PLXDC1: variants seen among roughly 807,000 people sequenced by gnomAD.
The protein encoded by PLXDC1 is plexin domain containing 1.
A neutral mutation model predicts 61.3 loss-of-function variants in PLXDC1; 39 were observed. That is an observed-to-expected ratio of 0.64 (90% CI 0.49 to 0.83). PLXDC1 has a LOEUF of 0.83. Among genes scored for constraint, PLXDC1 ranks in the 40% least tolerant of loss-of-function variants. PLXDC1 has a pLI of 0.00. For missense variants in PLXDC1, 596 were observed against 666.5 expected, an observed-to-expected ratio of 0.89 and a Z score of 1.17; for synonymous variants, 212 against 254.5, an observed-to-expected ratio of 0.83 and a Z score of 1.59.
intron 6 of PLXDC1, 130 bp from the exon 7 acceptor site, chr17:39,106,083 C>G (rs1910582598): frequency 1.7e-6 from 1 of 581,034 alleles, no homozygotes; most frequent in African/African-American, 1.9e-5. Flanking sequence ...CATTGGAAGC[C>G]CAGTGGGACC....
At chr17:39,091,997 C>G in intron 7 of PLXDC1, among the ~76,000 whole-genome samples, 1 of 149,878 alleles carries the variant, frequency 6.7e-6, no homozygotes, top group Non-Finnish European at 1.5e-5. Flanking sequence ...GTTGTCTTGC[C>G]ATTCATTCAT....
intron 2 of PLXDC1, among the ~76,000 whole-genome samples, chr17:39,134,756 G>A (rs568357321): frequency 1.4e-3 from 210 of 152,232 alleles, no homozygotes; most frequent in African/African-American, 4.7e-3. Context: ...GGACAAGAGT[G>A]CAAGCCTCTT....
intron 11 of PLXDC1, among the ~76,000 whole-genome samples, chr17:39,077,240 A>C (rs1012225961): frequency 4.0e-4 from 61 of 152,152 alleles, no homozygotes; most frequent in African/African-American, 1.4e-3. Flanking sequence ...TGGAGGGGGC[A>C]TGGGAGAAAG....
Position 39,141,910 on chromosome 17 carries a change from T to G in PLXDC1, c.77-2078A>C, listed in dbSNP as rs975037863. On this transcript the variant is annotated intron_variant, in intron 1 of 13. Transcript: ENST00000315392. ...AAATTGGCATTTCCCTGATGATTAG[T>G]GATGCCGAACATCTTTTCATATGCT... Among the ~76,000 whole-genome samples, 8 of 152,350 alleles carry G rather than the reference T, an allele frequency of 5.3e-5. No individual in the cohort carries two copies. The South Asian group carries it at 1.7e-3, about 32-fold the overall frequency.
intron 2 of PLXDC1, among the ~76,000 whole-genome samples, chr17:39,115,001 G>A (rs1347070633): frequency 6.6e-6 from 1 of 152,234 alleles, no homozygotes; most frequent in Admixed American, 6.5e-5. Context: ...AGACTGCAAA[G>A]CGTGAGCTTC....
At chr17:39,098,722 G>C (rs989014490) in intron 7 of PLXDC1, among the ~76,000 whole-genome samples, 3 of 152,176 alleles carry the variant, frequency 2.0e-5, no homozygotes, top group Non-Finnish European at 4.4e-5. Flanking sequence ...GACCTGGGCC[G>C]CTGGAGAGGG....
Position 39,139,682 on chromosome 17 carries a change from G to A in PLXDC1, c.227C>T (p.Thr76Met), listed in dbSNP as rs114494148. The change falls in exon 2 of 14, where the codon ACG (threonine) becomes ATG (methionine). Residue 76 changes from threonine to methionine, a missense_variant. Physicochemically the swap from Thr to Met is moderately conservative, Grantham distance 81. Transcript: ENST00000315392. ...DLGGGTLAMD[T>M]LPDNRTRVVE... ...CACCCTGGTCCTGTTATCTGGCAGC[G>A]TGTCCATGGCCAGGGTGCCCCCACC... is the stretch of plus-strand genomic sequence containing the variant. 13 of 1,613,234 alleles carry A rather than the reference G, an allele frequency of 8.1e-6. No homozygotes were observed. Among genetic ancestry groups the A allele is most frequent in the African/African-American group, 8.0e-5 (6 of 74,782 alleles).
intron 8 of PLXDC1, among the ~76,000 whole-genome samples, chr17:39,085,540 A>C (rs1475747528): frequency 6.6e-6 from 1 of 152,122 alleles, no homozygotes; most frequent in Non-Finnish European, 1.5e-5. Flanking sequence ...GTTTGAACCA[A>C]GGTCTGTTTG....
intron 12 of PLXDC1, among the ~76,000 whole-genome samples, chr17:39,071,221 ATT>A (rs990025968): frequency 6.6e-6 from 1 of 152,214 alleles, no homozygotes; most frequent in African/African-American, 2.4e-5. Context: ...AGACACACAA[ATT>A]CAGTGCCCAC....
intron 2 of PLXDC1, among the ~76,000 whole-genome samples, chr17:39,138,433 C>T (rs1360554875): frequency 1.3e-5 from 2 of 152,170 alleles, no homozygotes; most frequent in Non-Finnish European, 2.9e-5. Flanking sequence ...AATCCACAAC[C>T]GAGCACACGG....
chr17:39,116,377 T>C (rs986871653), intron 2 of PLXDC1, among the ~76,000 whole-genome samples: 5 of 152,168 alleles, frequency 3.3e-5, no homozygotes, highest in African/African-American at 1.2e-4. Flanking sequence ...GCACCTGGCA[T>C]CTGGTGGGTG....
chr17:39,073,463 A>G (rs1909204718), intron 11 of PLXDC1: 1 of 152,270 alleles, frequency 6.6e-6, no homozygotes, highest in Non-Finnish European at 1.5e-5. Context: ...ACTTGTTGCA[A>G]ATCTAGACCA....
chr17:39,128,349 C>A (rs113620855), intron 2 of PLXDC1, among the ~76,000 whole-genome samples: 10 of 151,324 alleles, frequency 6.6e-5, no homozygotes, highest in African/African-American at 2.4e-4. Flanking sequence ...TCCTGAGTAA[C>A]TAGGATTACA....
chr17:39,072,550 T>G (rs1700871413), intron 11 of PLXDC1, 65 bp from the exon 12 acceptor site: 1 of 1,029,618 alleles, frequency 9.7e-7, no homozygotes, highest in African/African-American at 1.6e-5. Context: ...TCACTCTGAG[T>G]CCAGATGGGA....
At chr17:39,129,041 G>A (rs1295139287) in intron 2 of PLXDC1, among the ~76,000 whole-genome samples, 1 of 152,044 alleles carries the variant, frequency 6.6e-6, no homozygotes, top group Non-Finnish European at 1.5e-5. Flanking sequence ...ACTCATGCCA[G>A]ATGCGGTGGT....
chr17:39,079,283 A>T, intron 9 of PLXDC1, 119 bp from the exon 10 acceptor site: 1 of 807,960 alleles, frequency 1.2e-6, no homozygotes, highest in Non-Finnish European at 2.1e-6. Context: ...CCCCAGGCTG[A>T]GGTAGTCAGG....
chr17:39,142,859 C>T (rs977710809), intron 1 of PLXDC1, among the ~76,000 whole-genome samples: 4 of 152,090 alleles, frequency 2.6e-5, no homozygotes, highest in Non-Finnish European at 4.4e-5. Flanking sequence ...AACAAAAGGC[C>T]GGGCGTGGTG....
chr17:39,149,950 A>T (rs571961453), intron 1 of PLXDC1, among the ~76,000 whole-genome samples: 1 of 152,300 alleles, frequency 6.6e-6, no homozygotes, highest in Admixed American at 6.5e-5. Flanking sequence ...TCAGTTACCC[A>T]TAAAGACCCT....
chr17:39,142,016 C>A (rs1459501978), intron 1 of PLXDC1, among the ~76,000 whole-genome samples: 1 of 152,044 alleles, frequency 6.6e-6, no homozygotes, highest in Non-Finnish European at 1.5e-5. Context: ...GTTGGTTGGA[C>A]TGGATAATTC....
Sources: allele counts gnomAD v4.1 joint callset (sites outside exome capture counted in the v4.1 genomes callset), GRCh38; gene constraint gnomAD v4.1.1; transcripts MANE v1.5; gene names NCBI Gene and HGNC (gene_info 2026-07-23, HGNC 2026-07-21).